Variants in PRELID2 observed in about 807,000 individuals in gnomAD.
PRELID2 encodes PRELI domain containing 2, also known as PRELI domain-containing protein 2.
PRELID2 carries 25 observed loss-of-function variants against 28.4 expected under a neutral mutation model. That is an observed-to-expected ratio of 0.88 (90% CI 0.64 to 1.23). PRELID2 has a LOEUF of 1.23. Ranked by LOEUF, PRELID2 falls within the 50% of genes most tolerant of loss-of-function variation. The pLI is 0.00. For synonymous variants in PRELID2, 76 were observed against 71.6 expected (o/e 1.06, Z -0.31); for missense variants, 201 against 214.4 (o/e 0.94, Z 0.39).
chr5:145,557,435 T>A (rs1752889433), intron 1 of PRELID2, among the ~76,000 whole-genome samples: 4 of 152,172 alleles, frequency 2.6e-5, no homozygotes, highest in Admixed American at 2.6e-4. Context: ...ACAATCCACA[T>A]GACAGGCAAT....
the PRELID2 span, among the ~76,000 whole-genome samples, chr5:145,297,884 A>T: frequency 6.6e-6 from 1 of 152,098 alleles, no homozygotes; most frequent in African/African-American, 2.4e-5. Flanking sequence ...TTCAAAGAGA[A>T]TAAAATACCT....
the PRELID2 span, among the ~76,000 whole-genome samples, chr5:145,270,659 G>A: frequency 1.3e-5 from 2 of 151,982 alleles, no homozygotes; most frequent in Non-Finnish European, 2.9e-5. Context: ...CTTGTAAACT[G>A]TTTTCTAGGG....
At chr5:145,790,701 T>TTGTGTGTGTGTGTGTGTG (rs148531864) in intron 5 of PRELID2, among the ~76,000 whole-genome samples, 1 of 104,944 alleles carries the variant, frequency 9.5e-6, no homozygotes, top group African/African-American at 3.2e-5. Flanking sequence ...TAATTCCACA[T>TTGTGTGTGTGTGTGTGTG]TGTGTGTGTG....
the PRELID2 span, among the ~76,000 whole-genome samples, chr5:145,330,643 G>T: frequency 4.7e-4 from 71 of 152,028 alleles, no homozygotes; most frequent in African/African-American, 1.5e-3. Flanking sequence ...CTTTTATTTT[G>T]TCTATTTGAT....
At chr5:145,377,750 A>T in the PRELID2 span, among the ~76,000 whole-genome samples, 3 of 152,080 alleles carry the variant, frequency 2.0e-5, no homozygotes, top group Admixed American at 6.6e-5. Flanking sequence ...CATTTCACCC[A>T]TCAAGAAATG....
the PRELID2 span, among the ~76,000 whole-genome samples, chr5:145,330,564 G>A: frequency 6.6e-6 from 1 of 152,170 alleles, no homozygotes; most frequent in African/African-American, 2.4e-5. Flanking sequence ...TTTGCATAGA[G>A]ATGTTTACAA....
chr5:145,548,480 G>A (rs1339126587), intron 1 of PRELID2, among the ~76,000 whole-genome samples: 1 of 152,086 alleles, frequency 6.6e-6, no homozygotes, highest in Admixed American at 6.5e-5. Flanking sequence ...ACAAATGTTT[G>A]GGAATGATTT....
the PRELID2 span, among the ~76,000 whole-genome samples, chr5:145,452,399 CAT>C: frequency 1.3e-5 from 2 of 152,196 alleles, no homozygotes; most frequent in African/African-American, 2.4e-5. Context: ...AGCTTCCACA[CAT>C]GATATCTCTA....
intron 1 of PRELID2, among the ~76,000 whole-genome samples, chr5:145,512,170 C>T (rs1428595008): frequency 6.6e-6 from 1 of 151,880 alleles, no homozygotes; most frequent in African/African-American, 2.4e-5. Flanking sequence ...GCAAGATGGC[C>T]GAATAGGAAC....
At chr5:145,588,888 A>T (rs1307461725) in intron 1 of PRELID2, among the ~76,000 whole-genome samples, 3 of 152,124 alleles carry the variant, frequency 2.0e-5, no homozygotes, top group African/African-American at 7.2e-5. Flanking sequence ...GTAAAAAAAA[A>T]AAAAATCGTC....
At chr5:145,241,705 G>T in the PRELID2 span, among the ~76,000 whole-genome samples, 1 of 151,796 alleles carries the variant, frequency 6.6e-6, no homozygotes, top group Non-Finnish European at 1.5e-5. Context: ...CCACATCTTT[G>T]TTTCTTTATA....
Position 145,577,244 on chromosome 5 carries a change from C to A in PRELID2, n.71-103929G>T, listed in dbSNP as rs1017403093. ...GCATCAAACAGACAAAATAAAGTAC[C>A]AGTTATCAGCCCTAAAGAAATGGAG... is the stretch of plus-strand genomic sequence containing the variant. On this transcript the variant is annotated intron_variant and non_coding_transcript_variant, in intron 1 of 2. Transcript: ENST00000510259. Among the ~76,000 whole-genome samples, 17 of 152,038 alleles carry A rather than the reference C, an allele frequency of 1.1e-4. 1 individual carries two copies. Among genetic ancestry groups the A allele is most frequent in the Admixed American group, 1.1e-3 (17 of 15,236 alleles).
chr5:145,504,554 G>A (rs371337524), intron 1 of PRELID2, among the ~76,000 whole-genome samples: 1 of 152,126 alleles, frequency 6.6e-6, no homozygotes. Context: ...AACAGGTAAG[G>A]CAACGTGGGG....
the PRELID2 span, among the ~76,000 whole-genome samples, chr5:145,341,465 G>T: frequency 6.6e-6 from 1 of 152,086 alleles, no homozygotes; most frequent in East Asian, 1.9e-4. Flanking sequence ...GCTTGAACCT[G>T]GGAGGTGGAG....
At chr5:145,793,156 C>G (rs1181375687) in intron 5 of PRELID2, among the ~76,000 whole-genome samples, 1 of 152,108 alleles carries the variant, frequency 6.6e-6, no homozygotes, top group Non-Finnish European at 1.5e-5. Flanking sequence ...TCCAAGTTAC[C>G]TCCCTTTAAG....
intron 1 of PRELID2, among the ~76,000 whole-genome samples, chr5:145,735,061 A>T (rs1407783889): frequency 6.7e-6 from 1 of 148,546 alleles, no homozygotes; most frequent in African/African-American, 2.5e-5. Flanking sequence ...CCTGGCCAAC[A>T]TGATGAAACC....
the PRELID2 span, among the ~76,000 whole-genome samples, chr5:145,273,351 A>G: frequency 6.6e-6 from 1 of 152,010 alleles, no homozygotes; most frequent in Non-Finnish European, 1.5e-5. Flanking sequence ...AGCACGCCCA[A>G]CCCTCCAGTT....
At chr5:145,775,306 G>A (rs150755346) in intron 5 of PRELID2, among the ~76,000 whole-genome samples, 144 of 151,976 alleles carry the variant, frequency 9.5e-4, no homozygotes, top group African/African-American at 3.2e-3. Context: ...TGAGCCTTCC[G>A]TATACTATCT....
intron 1 of PRELID2, among the ~76,000 whole-genome samples, chr5:145,725,861 T>G (rs986447342): frequency 5.3e-5 from 8 of 152,140 alleles, no homozygotes; most frequent in Non-Finnish European, 1.2e-4. Flanking sequence ...AGGGAAAAAC[T>G]TGATAATTAG....
Sources: gnomAD v4.1 joint callset for allele counts (sites outside exome capture counted in the v4.1 genomes callset) on GRCh38, gnomAD v4.1.1 for gene constraint, MANE v1.5 for transcripts, NCBI Gene and HGNC (gene_info 2026-07-23, HGNC 2026-07-21) for gene names.